Variants in FUT8 observed in about 807,000 individuals in gnomAD.
FUT8 encodes fucosyltransferase 8.
FUT8 carries 29 observed loss-of-function variants against 71.3 expected under a neutral mutation model. The ratio of observed to expected loss-of-function variants is 0.41; its 90% CI spans 0.30 to 0.55. The LOEUF is 0.55. FUT8 is among the 20% of genes least tolerant of loss of function. FUT8 has a pLI of 0.34. For synonymous variants in FUT8, 254 were observed against 239.3 expected (o/e 1.06, Z -0.57); for missense variants, 544 against 702.1 (o/e 0.77, Z 2.55).
At chr14:65,390,400 T>C in the FUT8 span, among the ~76,000 whole-genome samples, 1 of 151,624 alleles carries the variant, frequency 6.6e-6, no homozygotes, top group Non-Finnish European at 1.5e-5. Context: ...CACTGGTGCT[T>C]CAGGGAAGGG....
At chr14:65,556,531 G>C (rs1885595971) in intron 2 of FUT8, among the ~76,000 whole-genome samples, 1 of 152,170 alleles carries the variant, frequency 6.6e-6, no homozygotes, top group Admixed American at 6.5e-5. Flanking sequence ...GGGACAATGT[G>C]AGCAAGACAC....
At chr14:65,716,997 G>A (rs530024956) in intron 7 of FUT8, among the ~76,000 whole-genome samples, 22 of 145,630 alleles carry the variant, frequency 1.5e-4, no homozygotes, top group South Asian at 4.4e-4. Context: ...CTTCCCAGAC[G>A]GGGTGGCCGG....
chr14:65,642,375 G>A (rs939085668), intron 6 of FUT8, among the ~76,000 whole-genome samples: 2 of 152,084 alleles, frequency 1.3e-5, no homozygotes, highest in Non-Finnish European at 2.9e-5. Context: ...GTCTGAGGTG[G>A]GTGGATCACT....
At chr14:65,533,314 C>A (rs1884077486) in intron 2 of FUT8, among the ~76,000 whole-genome samples, 1 of 152,026 alleles carries the variant, frequency 6.6e-6, no homozygotes, top group Admixed American at 6.6e-5. Context: ...CCATTTGTGT[C>A]ATCTCTTGAT....
At chr14:65,419,132 G>A (rs1172404102) in intron 1 of FUT8, among the ~76,000 whole-genome samples, 5 of 151,860 alleles carry the variant, frequency 3.3e-5, no homozygotes, top group Admixed American at 1.3e-4. Flanking sequence ...GGAGGCTGAG[G>A]CAGGAGAATC....
intron 7 of FUT8, among the ~76,000 whole-genome samples, chr14:65,719,965 C>T (rs1269410888): frequency 6.6e-6 from 1 of 152,234 alleles, no homozygotes; most frequent in African/African-American, 2.4e-5. Context: ...TACCTGGCTA[C>T]CTCCTGTGTT....
intron 2 of FUT8, among the ~76,000 whole-genome samples, chr14:65,507,659 T>G (rs2066756924): frequency 1.3e-5 from 2 of 152,236 alleles, no homozygotes; most frequent in African/African-American, 4.8e-5. Context: ...TGAATAGTAC[T>G]CCACTGTGTA....
intron 7 of FUT8, among the ~76,000 whole-genome samples, chr14:65,718,193 G>A (rs1437456012): frequency 6.6e-6 from 1 of 151,808 alleles, no homozygotes; most frequent in Non-Finnish European, 1.5e-5. Context: ...TTCTCTGGTG[G>A]TTTGTTTTAA....
chr14:65,718,687 G>C (rs1895252681), intron 7 of FUT8, among the ~76,000 whole-genome samples: 1 of 152,070 alleles, frequency 6.6e-6, no homozygotes, highest in African/African-American at 2.4e-5. Flanking sequence ...TTGTTTGTCT[G>C]GGAAAGTCTT....
intron 6 of FUT8, among the ~76,000 whole-genome samples, chr14:65,631,970 G>A (rs1275754690): frequency 6.6e-6 from 1 of 152,052 alleles, no homozygotes; most frequent in Non-Finnish European, 1.5e-5. Context: ...CTATTCCTGA[G>A]TTACTTCACT....
chr14:65,710,627 T>G (rs908055767), intron 7 of FUT8, among the ~76,000 whole-genome samples: 4 of 152,162 alleles, frequency 2.6e-5, no homozygotes, highest in African/African-American at 9.7e-5. Context: ...GAATGCAGTC[T>G]AGTCTGGATG....
chr14:65,728,717 A>G (rs1403958434), intron 9 of FUT8, among the ~76,000 whole-genome samples: 3 of 152,172 alleles, frequency 2.0e-5, no homozygotes, highest in Admixed American at 1.3e-4. Flanking sequence ...TGTTACAACT[A>G]CCTTCAGTAT....
chr14:65,645,536 A>G (rs1451993704), intron 6 of FUT8, among the ~76,000 whole-genome samples: 1 of 152,220 alleles, frequency 6.6e-6, no homozygotes, highest in African/African-American at 2.4e-5. Flanking sequence ...TTTGTGGTAC[A>G]TAACATTTGA....
intron 7 of FUT8, among the ~76,000 whole-genome samples, chr14:65,675,491 A>G (rs1020233848): frequency 6.6e-6 from 1 of 152,208 alleles, no homozygotes; most frequent in African/African-American, 2.4e-5. Flanking sequence ...CAGACTTCAT[A>G]TTCTCAGTAG....
intron 5 of FUT8, among the ~76,000 whole-genome samples, chr14:65,618,566 G>A (rs1163085783): frequency 6.6e-6 from 1 of 152,028 alleles, no homozygotes; most frequent in Non-Finnish European, 1.5e-5. Context: ...CAAATAATGA[G>A]CAAAACACAA....
At chr14:65,480,618 A>G (rs139402417) in intron 2 of FUT8, among the ~76,000 whole-genome samples, 1 of 151,530 alleles carries the variant, frequency 6.6e-6, no homozygotes, top group Non-Finnish European at 1.5e-5. Flanking sequence ...CCTGGCACAA[A>G]TAACTTTTTC....
intron 3 of FUT8, among the ~76,000 whole-genome samples, chr14:65,613,042 T>C (rs1889086451): frequency 6.8e-6 from 1 of 147,866 alleles, no homozygotes; most frequent in Non-Finnish European, 1.5e-5. Flanking sequence ...AATTTTCTTT[T>C]CCAGTTTTTT....
chr14:65,435,196 C>T (rs889062339), intron 1 of FUT8, among the ~76,000 whole-genome samples: 5 of 152,142 alleles, frequency 3.3e-5, no homozygotes, highest in East Asian at 1.9e-4. Flanking sequence ...CTCCAGTCAT[C>T]GCTAAATATA....
intron 1 of FUT8, among the ~76,000 whole-genome samples, chr14:65,421,983 A>G (rs993059444): frequency 2.6e-5 from 4 of 151,948 alleles, no homozygotes; most frequent in Admixed American, 1.3e-4. Context: ...CATAGAGTTG[A>G]CAGTACTTTC....
Sources: allele counts gnomAD v4.1 joint callset (sites outside exome capture counted in the v4.1 genomes callset), GRCh38; gene constraint gnomAD v4.1.1; transcripts MANE v1.5; gene names NCBI Gene and HGNC (gene_info 2026-07-23, HGNC 2026-07-21).